Variants in IQCM observed in about 807,000 individuals in gnomAD.
The protein encoded by IQCM is IQ domain-containing protein M.
A neutral mutation model predicts 57.6 loss-of-function variants in IQCM; 45 were observed. That is an observed-to-expected ratio of 0.78 (90% confidence interval 0.62 to 1.00). IQCM has a LOEUF of 1.00. Ranked by LOEUF, IQCM falls within the 50% of genes least tolerant of loss-of-function variation. The pLI, the probability that IQCM is intolerant of heterozygous loss-of-function variation, is 0.00. For synonymous variants in IQCM, 148 were observed against 158.9 expected, an observed-to-expected ratio of 0.93 and a Z score of 0.51; for missense variants, 468 against 511.6, an observed-to-expected ratio of 0.91 and a Z score of 0.82.
chr4:149,655,463 G>A (rs1759555656), intron 7 of IQCM, among the ~76,000 whole-genome samples: 1 of 152,046 alleles, frequency 6.6e-6, no homozygotes, highest in Non-Finnish European at 1.5e-5. Flanking sequence ...TATTTTTCAT[G>A]TTTTCCTAAA....
chr4:149,502,610 G>A (rs915355437), intron 12 of IQCM, among the ~76,000 whole-genome samples: 18 of 152,146 alleles, frequency 1.2e-4, no homozygotes, highest in South Asian at 4.1e-4. Context: ...AGAGGTCGAG[G>A]CTGCAGTGAG....
intron 12 of IQCM, among the ~76,000 whole-genome samples, chr4:149,547,366 T>C (rs747645388): frequency 1.3e-5 from 2 of 152,254 alleles, no homozygotes; most frequent in Middle Eastern, 3.4e-3. Context: ...TTGGAAGACA[T>C]TATGTTAAGT....
chr4:149,401,017 A>C (rs928847946), intron 13 of IQCM, among the ~76,000 whole-genome samples: 12 of 151,756 alleles, frequency 7.9e-5, no homozygotes, highest in Non-Finnish European at 1.8e-4. Flanking sequence ...CAATTCCTAA[A>C]AGAGTGTCTG....
chr4:149,373,640 A>C (rs1261303342), intron 13 of IQCM, among the ~76,000 whole-genome samples: 1 of 152,094 alleles, frequency 6.6e-6, no homozygotes, highest in Non-Finnish European at 1.5e-5. Flanking sequence ...ATTTTATACA[A>C]ATTTTTTTTC....
chr4:149,489,581 A>G (rs893577035), intron 12 of IQCM, among the ~76,000 whole-genome samples: 1 of 152,026 alleles, frequency 6.6e-6, no homozygotes, highest in Non-Finnish European at 1.5e-5. Context: ...AATGAATGCA[A>G]TCTCACATAC....
intron 12 of IQCM, among the ~76,000 whole-genome samples, chr4:149,483,057 A>G: frequency 6.6e-6 from 1 of 151,914 alleles, no homozygotes; most frequent in Non-Finnish European, 1.5e-5. Context: ...ATTGGCATAT[A>G]GTTGTTCATA....
chr4:149,445,774 C>T (rs72724087), intron 12 of IQCM, among the ~76,000 whole-genome samples: 2,641 of 151,708 alleles, frequency 0.017, 40 homozygotes, highest in Non-Finnish European at 0.028. Flanking sequence ...TTTAAAGGGA[C>T]GTTTATGTTT....
At chr4:149,644,006 T>C (rs780932753) in intron 7 of IQCM, among the ~76,000 whole-genome samples, 1 of 152,180 alleles carries the variant, frequency 6.6e-6, no homozygotes, top group Non-Finnish European at 1.5e-5. Flanking sequence ...TGACCAAACA[T>C]CCAGTTTGCC....
chr4:149,554,454 C>T (rs1230745124), intron 10 of IQCM, among the ~76,000 whole-genome samples: 1 of 151,808 alleles, frequency 6.6e-6, no homozygotes, highest in Non-Finnish European at 1.5e-5. Context: ...GTAGCTGGGA[C>T]TACAGGCACT....
intron 5 of IQCM, among the ~76,000 whole-genome samples, chr4:149,687,109 C>A (rs1172108912): frequency 6.6e-6 from 1 of 151,546 alleles, no homozygotes; most frequent in East Asian, 1.9e-4. Flanking sequence ...CTATTGAGCA[C>A]CTTCTAGCTA....
At chr4:149,726,155 A>T (rs564575803) in intron 5 of IQCM, among the ~76,000 whole-genome samples, 2 of 151,406 alleles carry the variant, frequency 1.3e-5, no homozygotes, top group Admixed American at 6.6e-5. Context: ...AAAGAAAGAA[A>T]GAATTTCATT....
intron 11 of IQCM, among the ~76,000 whole-genome samples, chr4:149,552,620 T>C (rs1358097630): frequency 6.6e-6 from 1 of 152,196 alleles, no homozygotes; most frequent in South Asian, 2.1e-4. Flanking sequence ...TTTTTCTTTG[T>C]GCAGCTACCC....
chr4:149,731,830 A>G (rs1766485942), intron 5 of IQCM, among the ~76,000 whole-genome samples: 1 of 152,064 alleles, frequency 6.6e-6, no homozygotes. Context: ...ATTGATAATC[A>G]ATACGAATCT....
chr4:149,524,056 C>A (rs1449736786), intron 12 of IQCM, among the ~76,000 whole-genome samples: 2 of 152,000 alleles, frequency 1.3e-5, no homozygotes, highest in African/African-American at 4.8e-5. Flanking sequence ...ATTCAAATAA[C>A]AATTTTATTT....
At chr4:149,802,093 T>G (rs1220114669) in intron 2 of IQCM, among the ~76,000 whole-genome samples, 1 of 151,912 alleles carries the variant, frequency 6.6e-6, no homozygotes, top group African/African-American at 2.4e-5. Flanking sequence ...TACAGTTTGA[T>G]AAGTTAAATT....
chr4:149,423,405 C>G (rs1734248500), intron 13 of IQCM, among the ~76,000 whole-genome samples: 2 of 151,988 alleles, frequency 1.3e-5, no homozygotes, highest in Admixed American at 6.6e-5. Flanking sequence ...TTACAGGTTC[C>G]TCCCACGACA....
chr4:149,362,331 A>G (rs1351277859), intron 13 of IQCM, among the ~76,000 whole-genome samples: 1 of 152,088 alleles, frequency 6.6e-6, no homozygotes, highest in Non-Finnish European at 1.5e-5. Context: ...GATTTTTGAA[A>G]TATGAGGACA....
At chr4:149,460,191 G>A (rs146351486) in intron 12 of IQCM, among the ~76,000 whole-genome samples, 7 of 152,064 alleles carry the variant, frequency 4.6e-5, no homozygotes, top group Non-Finnish European at 7.4e-5. Context: ...GCATCTTTTC[G>A]TGTGCTTATT....
At chr4:149,756,760 G>A (rs987814098) in intron 2 of IQCM, among the ~76,000 whole-genome samples, 6 of 152,134 alleles carry the variant, frequency 3.9e-5, no homozygotes, top group Non-Finnish European at 5.9e-5. Context: ...ACAAAAAGGA[G>A]GAGTTAGTGG....
Sources: allele counts gnomAD v4.1 joint callset (sites outside exome capture counted in the v4.1 genomes callset), GRCh38; gene constraint gnomAD v4.1.1; transcripts MANE v1.5; gene names NCBI Gene and HGNC (gene_info 2026-07-23, HGNC 2026-07-21).